STK38L: variants seen among roughly 807,000 people sequenced by gnomAD.
The protein encoded by STK38L is serine/threonine-protein kinase 38-like.
Under a neutral mutation model 59.7 loss-of-function variants are expected in STK38L, and 28 were observed. The ratio of observed to expected loss-of-function variants is 0.47; its 90% confidence interval spans 0.35 to 0.64. The LOEUF (loss-of-function observed/expected upper bound fraction) is 0.64. STK38L is among the 30% of genes least tolerant of loss of function. The probability of loss-of-function intolerance (pLI) is 0.01; values close to 1 mark genes in which losing one functional copy is unlikely to be tolerated. For synonymous variants in STK38L, 162 were observed against 176.8 expected, an observed-to-expected ratio of 0.92 and a Z score of 0.66; for missense variants, 314 against 555.8, an observed-to-expected ratio of 0.56 and a Z score of 4.37.
At chr12:27,275,011 C>A (rs189124378) in intron 1 of STK38L, among the ~76,000 whole-genome samples, 2 of 152,246 alleles carry the variant, frequency 1.3e-5, no homozygotes, top group Admixed American at 1.3e-4. Flanking sequence ...CCAAATCCAC[C>A]TTCCTGCCCC....
At chr12:27,280,069 A>C (rs1375602337) in intron 1 of STK38L, among the ~76,000 whole-genome samples, 1 of 152,194 alleles carries the variant, frequency 6.6e-6, no homozygotes, top group Non-Finnish European at 1.5e-5. Context: ...TGTAGCTAAC[A>C]CAGAAGTGTT....
intron 1 of STK38L, among the ~76,000 whole-genome samples, chr12:27,288,903 A>G (rs1943837448): frequency 1.4e-5 from 2 of 144,734 alleles, no homozygotes; most frequent in Admixed American, 1.4e-4. Flanking sequence ...TTTTATATCA[A>G]TCAAGACAAA....
At chr12:27,254,018 A>G (rs1453278141) in intron 1 of STK38L, among the ~76,000 whole-genome samples, 2 of 152,186 alleles carry the variant, frequency 1.3e-5, no homozygotes, top group Non-Finnish European at 2.9e-5. Context: ...CCATTTTGTG[A>G]AATTAAACAG....
intron 1 of STK38L, among the ~76,000 whole-genome samples, chr12:27,282,753 C>T (rs1311137422): frequency 1.3e-5 from 2 of 152,020 alleles, no homozygotes; most frequent in African/African-American, 4.8e-5. Flanking sequence ...GTCTGAGATC[C>T]TTGATGTTTA....
chr12:27,255,254 C>T (rs974194269), intron 1 of STK38L, among the ~76,000 whole-genome samples: 21 of 152,070 alleles, frequency 1.4e-4, no homozygotes, highest in African/African-American at 5.1e-4. Context: ...TTCATACTAA[C>T]CAAGAGTGTA....
chr12:27,304,128 C>T (rs186369077), intron 3 of STK38L, among the ~76,000 whole-genome samples: 1 of 151,590 alleles, frequency 6.6e-6, no homozygotes, highest in Admixed American at 6.6e-5. Flanking sequence ...GCATGGTGTC[C>T]TGTGTGTGTA....
At chr12:27,285,623 C>G (rs150307964) in intron 1 of STK38L, among the ~76,000 whole-genome samples, 402 of 152,330 alleles carry the variant, frequency 2.6e-3, no homozygotes, top group Middle Eastern at 6.8e-3. Context: ...CCCTGCCTCT[C>G]ACCACTCATC....
intron 1 of STK38L, among the ~76,000 whole-genome samples, chr12:27,254,043 C>T (rs539699696): frequency 6.6e-6 from 1 of 152,232 alleles, no homozygotes; most frequent in South Asian, 2.1e-4. Context: ...AGTAAAGATA[C>T]CATCAGCCAG....
intron 1 of STK38L, among the ~76,000 whole-genome samples, chr12:27,277,621 T>C (rs1169632689): frequency 6.6e-6 from 1 of 152,130 alleles, no homozygotes; most frequent in Non-Finnish European, 1.5e-5. Context: ...AGATATCTTA[T>C]CTCATAATTC....
At chr12:27,266,241 T>C (rs1188377933) in intron 1 of STK38L, among the ~76,000 whole-genome samples, 3 of 152,220 alleles carry the variant, frequency 2.0e-5, no homozygotes, top group Non-Finnish European at 4.4e-5. Flanking sequence ...TGTGCATCTT[T>C]TCCTATAGTA....
chr12:27,313,841 G>T (rs1049720718), intron 6 of STK38L, among the ~76,000 whole-genome samples: 2 of 152,020 alleles, frequency 1.3e-5, no homozygotes, highest in Non-Finnish European at 2.9e-5. Flanking sequence ...TTTTTAGTGG[G>T]ATAATGTCCC....
At chr12:27,300,156 C>T (rs1300749501) in intron 2 of STK38L, among the ~76,000 whole-genome samples, 2 of 152,074 alleles carry the variant, frequency 1.3e-5, no homozygotes, top group Non-Finnish European at 2.9e-5. Context: ...AAAGTAGTCT[C>T]AGCTTGGTGC....
chr12:27,262,196 TA>T (rs1047482212), intron 1 of STK38L, among the ~76,000 whole-genome samples: 2 of 152,192 alleles, frequency 1.3e-5, no homozygotes, highest in African/African-American at 4.8e-5. Flanking sequence ...TCCCTTCTCT[TA>T]AAAAATTATA....
chr12:27,294,234 G>C (rs1359304304), intron 1 of STK38L, among the ~76,000 whole-genome samples: 1 of 152,082 alleles, frequency 6.6e-6, no homozygotes, highest in Non-Finnish European at 1.5e-5. Context: ...AAAGATGCTG[G>C]GAAGGCTAGG....
At position 27,317,372 on chromosome 12, in the gene STK38L, C is replaced by G; in HGVS notation, c.874C>G (p.Pro292Ala). ...STVGTPDYIA[P>A]EVFMQTGYNK... ...AGTTGGGACACCAGATTACATTGCT[C>G]CAGAAGTATTCATGCAGACTGGTTA... is the stretch of plus-strand genomic sequence containing the variant. The change falls in exon 10 of 14, where the codon CCA (proline) becomes GCA (alanine). Residue 292 changes from proline to alanine, a missense_variant. By Grantham distance (27) the Pro-to-Ala change is conservative (BLOSUM62 -1). This residue lies in a region of STK38L where 28 missense variants were observed against 96.7 expected (regional missense o/e 0.29). Coordinates refer to ENST00000389032, the MANE Select transcript of STK38L (RefSeq NM_015000.4). The G allele has an allele frequency of 1.2e-6, 2 of 1,613,098 alleles. No homozygotes were observed. The highest frequency in any genetic ancestry group is 1.7e-6 in the Non-Finnish European group (2 of 1,179,732).
chr12:27,295,583 C>T (rs571186357), intron 1 of STK38L, among the ~76,000 whole-genome samples: 1 of 152,072 alleles, frequency 6.6e-6, no homozygotes, highest in Non-Finnish European at 1.5e-5. Context: ...CTCATTCATT[C>T]ATTCATGACT....
rs1045748402 is a variant in STK38L, at chr12:27,274,700, A to G, written c.-11-23010A>G. On this transcript the variant is annotated intron_variant, in intron 1 of 13. Transcript: ENST00000389032. The stretch of plus-strand genomic sequence containing the variant: ...ACTATTGTTCAATGCTGCAGTTTTT[A>G]TGTTATCTTGAAAGACAGAGGGAGA... 3.3e-5 allele frequency among the ~76,000 whole-genome samples: 5 copies of G among 152,326 alleles called. No individual in the cohort carries two copies. In the East Asian group the frequency reaches 9.6e-4, roughly 29 times the overall value.
intron 1 of STK38L, among the ~76,000 whole-genome samples, chr12:27,276,521 T>C (rs1943541543): frequency 6.6e-6 from 1 of 151,950 alleles, no homozygotes; most frequent in Non-Finnish European, 1.5e-5. Flanking sequence ...GAGTTGTGCT[T>C]TGTTATTTAA....
intron 9 of STK38L, among the ~76,000 whole-genome samples, chr12:27,316,915 CACATTAGTA>C (rs926210494): frequency 6.6e-5 from 10 of 152,138 alleles, no homozygotes; most frequent in African/African-American, 2.2e-4. Flanking sequence ...TGCCCAAGAA[CACATTAGTA>C]GTGAGTGGGG....
Sources: gnomAD v4.1 joint callset for allele counts (sites outside exome capture counted in the v4.1 genomes callset) on GRCh38, gnomAD v4.1.1 for gene constraint, gnomAD v4.1.1 regional missense constraint, MANE v1.5 for transcripts, NCBI Gene and HGNC (gene_info 2026-07-23, HGNC 2026-07-21) for gene names.